PAPPA2: variants seen among roughly 807,000 people sequenced by gnomAD.
The protein encoded by PAPPA2 is pappalysin-2.
In PAPPA2, 86 loss-of-function variants were observed where a neutral mutation model predicts 176.4. The observed-to-expected ratio is 0.49, with a 90% CI of 0.41 to 0.58. The LOEUF is 0.58. Among genes scored for constraint, PAPPA2 ranks in the 20% least tolerant of loss-of-function variants. PAPPA2 has a pLI of 0.00. For synonymous variants in PAPPA2, 809 were observed against 852.2 expected (o/e 0.95, Z 0.88); for missense variants, 2,073 against 2,256.9 (o/e 0.92, Z 1.65).
intron 7 of PAPPA2, among the ~76,000 whole-genome samples, chr1:176,697,350 C>A (rs887228292): frequency 3.3e-5 from 5 of 152,006 alleles, no homozygotes; most frequent in Non-Finnish European, 7.4e-5. Context: ...AATTATCAGA[C>A]AAAATGAGAA....
chr1:176,717,238 A>C (rs1385197849), intron 12 of PAPPA2, among the ~76,000 whole-genome samples: 1 of 152,174 alleles, frequency 6.6e-6, no homozygotes, highest in Non-Finnish European at 1.5e-5. Context: ...AACAGCCTAC[A>C]GTGAAGAAGC....
chr1:176,609,849 T>TA (rs899830593), intron 3 of PAPPA2, among the ~76,000 whole-genome samples: 1 of 152,210 alleles, frequency 6.6e-6, no homozygotes, highest in African/African-American at 2.4e-5. Flanking sequence ...CCTTGTGACT[T>TA]AAAGATATTT....
Position 176,556,186 on chromosome 1 carries a change from A to G in PAPPA2, c.-137A>G. The G allele has an allele frequency of 9.5e-7, 1 of 1,056,244 alleles. No individual in the cohort carries two copies. Among genetic ancestry groups the G allele is most frequent in the Non-Finnish European group, 1.4e-6 (1 of 730,258 alleles). The allele number at this position is 1,056,244 out of a possible 1,614,324, so 65.4% of individuals were successfully genotyped here. A position where few individuals can be genotyped will look rare whatever the true frequency, so the allele number is the denominator to read the frequency against. ...AGAGGCATTCTTGGGGCTATTTGAA[A>G]AAGTTTGGTCTGTGAACAAAACAGT... On this transcript the variant is annotated 5_prime_UTR_variant, in exon 2 of 23. Transcript: ENST00000367662.
rs938481371 is a variant in PAPPA2 at position 176,545,237 on chromosome 1, T to C, written c.-916-10170T>C. ...CTCCTTAACATAAGCTCAGGTGTGA[T>C]TGAAGGAGCTTGCTACGAATAACAA... On this transcript the variant is annotated intron_variant, in intron 1 of 22. Coordinates refer to ENST00000367662, the MANE Select transcript of PAPPA2 (RefSeq NM_020318.3). Among the ~76,000 whole-genome samples the C allele has an allele frequency of 3.9e-5, 6 of 152,028 alleles. No individual in the cohort carries two copies. In the East Asian group the frequency reaches 7.7e-4, roughly 20 times the overall value.
intron 17 of PAPPA2, among the ~76,000 whole-genome samples, chr1:176,783,760 G>A (rs1424798465): frequency 6.6e-6 from 1 of 152,178 alleles, no homozygotes; most frequent in Non-Finnish European, 1.5e-5. Flanking sequence ...CAGTTACAGG[G>A]CTGTGAGGTG....
chr1:176,727,566 A>G (rs1661940066), intron 12 of PAPPA2, among the ~76,000 whole-genome samples: 1 of 152,146 alleles, frequency 6.6e-6, no homozygotes, highest in African/African-American at 2.4e-5. Flanking sequence ...GAAATGAATT[A>G]TAAATTGACA....
At chr1:176,594,348 G>A (rs1403545850) in intron 2 of PAPPA2, among the ~76,000 whole-genome samples, 176 bp from the exon 3 acceptor site, 1 of 152,238 alleles carries the variant, frequency 6.6e-6, no homozygotes, top group Non-Finnish European at 1.5e-5. Context: ...GGATATGCCA[G>A]AACGGCCTGA....
intron 3 of PAPPA2, among the ~76,000 whole-genome samples, chr1:176,605,690 T>C (rs546998384): frequency 6.6e-5 from 10 of 152,354 alleles, no homozygotes; most frequent in African/African-American, 2.4e-4. Context: ...CTAACTCATC[T>C]TTACATGTTA....
chr1:176,492,593 C>T (rs1421319397), intron 1 of PAPPA2, among the ~76,000 whole-genome samples: 1 of 152,154 alleles, frequency 6.6e-6, no homozygotes, highest in Non-Finnish European at 1.5e-5. Context: ...CACTACATAG[C>T]ATCAGTAGCT....
chr1:176,637,292 G>A (rs1656759434), intron 3 of PAPPA2, among the ~76,000 whole-genome samples: 1 of 152,132 alleles, frequency 6.6e-6, no homozygotes, highest in African/African-American at 2.4e-5. Context: ...AAGAGCCATG[G>A]TTGGCTTTGA....
intron 14 of PAPPA2, among the ~76,000 whole-genome samples, chr1:176,756,406 C>T (rs181672867): frequency 3.3e-5 from 5 of 152,194 alleles, no homozygotes; most frequent in Admixed American, 2.6e-4. Context: ...TGTATGTAGG[C>T]GGACTGGCAA....
At chr1:176,564,226 G>C (rs147470253) in intron 2 of PAPPA2, among the ~76,000 whole-genome samples, 170 of 152,302 alleles carry the variant, frequency 1.1e-3, no homozygotes, top group Non-Finnish European at 2.0e-3. Flanking sequence ...GCTGTTGCTA[G>C]TATGTGGACC....
intron 1 of PAPPA2, among the ~76,000 whole-genome samples, chr1:176,500,893 C>T (rs1283796789): frequency 6.6e-6 from 1 of 152,008 alleles, no homozygotes; most frequent in Admixed American, 6.6e-5. Context: ...ATGTGCTTTA[C>T]TTTGCTAATA....
At chr1:176,761,551 T>G (rs1293074347) in intron 14 of PAPPA2, among the ~76,000 whole-genome samples, 2 of 152,202 alleles carry the variant, frequency 1.3e-5, no homozygotes, top group Admixed American at 6.5e-5. Context: ...TGCTCAAAAC[T>G]ATTGGACTAT....
chr1:176,474,570 C>T (rs1297937154), intron 1 of PAPPA2, among the ~76,000 whole-genome samples: 1 of 152,126 alleles, frequency 6.6e-6, no homozygotes, highest in Non-Finnish European at 1.5e-5. Context: ...CAGCAGGAAA[C>T]GGTGGTATCC....
intron 1 of PAPPA2, among the ~76,000 whole-genome samples, chr1:176,517,800 G>A (rs192597428): frequency 1.3e-5 from 2 of 152,142 alleles, no homozygotes; most frequent in Non-Finnish European, 2.9e-5. Context: ...TTTAAAGGTC[G>A]AAGGGTGACT....
At chr1:176,521,269 A>G (rs1291805063) in intron 1 of PAPPA2, among the ~76,000 whole-genome samples, 1 of 152,176 alleles carries the variant, frequency 6.6e-6, no homozygotes, top group Non-Finnish European at 1.5e-5. Context: ...AGGTGATGCT[A>G]TGTAACTTTT....
chr1:176,796,091 T>C (rs1665413094), intron 20 of PAPPA2, among the ~76,000 whole-genome samples: 1 of 152,194 alleles, frequency 6.6e-6, no homozygotes, highest in Non-Finnish European at 1.5e-5. Flanking sequence ...AAGTGTCCTC[T>C]TGATGGGTAC....
chr1:176,487,217 G>C (rs1347795880), intron 1 of PAPPA2, among the ~76,000 whole-genome samples: 1 of 152,178 alleles, frequency 6.6e-6, no homozygotes. Flanking sequence ...TAGTGGCTGG[G>C]TTGCTGGTCA....
Sources: allele counts gnomAD v4.1 joint callset (sites outside exome capture counted in the v4.1 genomes callset), GRCh38; gene constraint gnomAD v4.1.1; transcripts MANE v1.5; gene names NCBI Gene and HGNC (gene_info 2026-07-23, HGNC 2026-07-21).